PPM1G: variants seen among roughly 807,000 people sequenced by gnomAD.
The protein encoded by PPM1G is protein phosphatase, Mg2+/Mn2+ dependent 1G.
In PPM1G, 12 loss-of-function variants were observed where a neutral mutation model predicts 59.4. The ratio of observed to expected loss-of-function variants is 0.20; its 90% CI spans 0.13 to 0.33. The LOEUF (loss-of-function observed/expected upper bound fraction) is 0.33, where lower values mean the gene tolerates loss of function less well. Ranked by LOEUF, PPM1G falls within the 10% of genes least tolerant of loss-of-function variation. The pLI, the probability that PPM1G is intolerant of heterozygous loss-of-function variation, is 1.00. For synonymous variants in PPM1G, 245 were observed against 251.9 expected, an observed-to-expected ratio of 0.97 and a Z score of 0.26; for missense variants, 392 against 681.3, an observed-to-expected ratio of 0.58 and a Z score of 4.73.
At chr2:27,401,856 A>C (rs1684186654) in intron 1 of PPM1G, among the ~76,000 whole-genome samples, 1 of 152,150 alleles carries the variant, frequency 6.6e-6, no homozygotes, top group South Asian at 2.1e-4. Context: ...AAAAAAAAGA[A>C]AATATACTAA....
rs1473092009 is a variant in PPM1G, at chr2:27,392,612, G to T, written c.121-5454C>A. The stretch of plus-strand genomic sequence containing the variant: ...CCAGCCCACAGTACATTTTTTTTTT[G>T]GGGGGGGGGAGGGTACCAAATTTAT... On this transcript the variant is annotated intron_variant, in intron 1 of 9. Coordinates refer to ENST00000344034, the MANE Select transcript of PPM1G (RefSeq NM_177983.3). Among the ~76,000 whole-genome samples the T allele has an allele frequency of 2.0e-3, 97 of 47,550 alleles. 1 individual carries two copies. Among genetic ancestry groups the T allele is most frequent in the African/African-American group, 8.1e-3 (66 of 8,124 alleles). The allele number at this position is 47,550 out of a possible 152,430, so 31.2% of individuals were successfully genotyped here.
intron 1 of PPM1G, among the ~76,000 whole-genome samples, chr2:27,392,585 C>A (rs554339735): frequency 5.8e-4 from 80 of 137,344 alleles, no homozygotes; most frequent in Non-Finnish European, 1.1e-3. Context: ...TGAGCCACTA[C>A]GCCAGCCCAC....
chr2:27,394,917 G>A (rs961921340), intron 1 of PPM1G, among the ~76,000 whole-genome samples: 1 of 151,472 alleles, frequency 6.6e-6, no homozygotes, highest in African/African-American at 2.4e-5. Context: ...ATTAGAATAG[G>A]AACTATTAAA....
At chr2:27,406,812 T>G (rs1478180363) in intron 1 of PPM1G, among the ~76,000 whole-genome samples, 1 of 151,940 alleles carries the variant, frequency 6.6e-6, no homozygotes, top group Non-Finnish European at 1.5e-5. Context: ...AAATATTAAA[T>G]GAGAAACCTG....
chr2:27,381,839 G>A (rs753291194), intron 9 of PPM1G, 34 bp from the exon 10 acceptor site: 1 of 1,600,234 alleles, frequency 6.2e-7, no homozygotes, highest in South Asian at 1.1e-5. Flanking sequence ...CAGCCACAGG[G>A]TTTGAACACC....
At chr2:27,394,927 AAAT>A (rs1027547783) in intron 1 of PPM1G, among the ~76,000 whole-genome samples, 7 of 151,836 alleles carry the variant, frequency 4.6e-5, no homozygotes, top group Non-Finnish European at 8.8e-5. Flanking sequence ...GAACTATTAA[AAAT>A]AATAATAATA....
At chr2:27,395,180 G>A (rs1684015684) in intron 1 of PPM1G, among the ~76,000 whole-genome samples, 1 of 146,372 alleles carries the variant, frequency 6.8e-6, no homozygotes, top group South Asian at 2.1e-4. Context: ...GTTACAATGA[G>A]CCAAGACCGT....
intron 1 of PPM1G, among the ~76,000 whole-genome samples, chr2:27,403,286 A>G (rs916839195): frequency 7.9e-5 from 12 of 151,952 alleles, no homozygotes; most frequent in Non-Finnish European, 1.5e-4. Flanking sequence ...TCTACTAAAA[A>G]TACAAAAAAG....
Position 27,383,168 on chromosome 2 carries a change from A to G in PPM1G, c.1201+198T>C, listed in dbSNP as rs1362721555. On this transcript the variant is annotated intron_variant, in intron 7 of 9. Transcript: ENST00000344034. The surrounding 1 kb of genome is among the most constrained non-coding windows in gnomAD (Gnocchi z 5.0). Reference sequence around the variant, plus strand: ...GTCTTTTTCATCATTCAAATGTTACATAAGATGGGTATAATGATACCTATG... The same window carrying G: ...GTCTTTTTCATCATTCAAATGTTACGTAAGATGGGTATAATGATACCTATG... Among the ~76,000 whole-genome samples the G allele has an allele frequency of 1.3e-5, 2 of 152,130 alleles. No homozygotes were observed. The highest frequency in any genetic ancestry group is 2.4e-5 in the African/African-American group (1 of 41,450).
chr2:27,408,060 A>AG (rs1269148910), intron 1 of PPM1G, among the ~76,000 whole-genome samples: 2 of 152,054 alleles, frequency 1.3e-5, no homozygotes, highest in Non-Finnish European at 2.9e-5. Context: ...AAAAAAAAAA[A>AG]GGGAGCCAAA....
chr2:27,402,572 C>T (rs1432504875), intron 1 of PPM1G, among the ~76,000 whole-genome samples: 2 of 151,544 alleles, frequency 1.3e-5, no homozygotes, highest in Non-Finnish European at 2.9e-5. Context: ...TTTGGGAGGC[C>T]GATGTGGGTG....
At position 27,409,446 on chromosome 2, in the gene PPM1G, A is replaced by G. The variant is rs568033045; in HGVS notation, c.-24T>C. On this transcript the variant is annotated 5_prime_UTR_variant, in exon 1 of 10. Transcript: ENST00000344034. Reference sequence around the variant, plus strand: ...ATGGCGGCGGCTGGCCGGCGGCCTCAGGTGCAGGAAAGCTGGGCGCGACCC... The same window carrying G: ...ATGGCGGCGGCTGGCCGGCGGCCTCGGGTGCAGGAAAGCTGGGCGCGACCC... 6.0e-5 allele frequency: 90 copies of G among 1,490,204 alleles called. No individual in the cohort carries two copies. The East Asian group carries it at 2.4e-3, about 40-fold the overall frequency. The allele number at this position is 1,490,204 out of a possible 1,614,324, so 92.3% of individuals were successfully genotyped here.
In PPM1G at chr2:27,382,863, T is replaced by C. The variant is rs1683670500; in HGVS notation, c.1202-258A>G. On this transcript the variant is annotated intron_variant, in intron 7 of 9. Coordinates refer to ENST00000344034, the MANE Select transcript of PPM1G (RefSeq NM_177983.3). The surrounding 1 kb of genome is among the most constrained non-coding windows in gnomAD (Gnocchi z 4.2). ...TTTTTGAGACGGAGTTTCACTCTTG[T>C]AGCCCAGGCTGGAGTGTAATGGCAC... 6.6e-6 allele frequency among the ~76,000 whole-genome samples: 1 copy of C among 151,478 alleles called. No homozygotes were observed.
chr2:27,381,273 G>A lies in PPM1G; in HGVS notation c.*326C>T, dbSNP rs974575019. On this transcript the variant is annotated 3_prime_UTR_variant, in exon 10 of 10. Coordinates refer to ENST00000344034, the MANE Select transcript of PPM1G (RefSeq NM_177983.3). ...AGAGAGCGGGTGCAAGCGGCCGAGGGCCATGGAGCCGCCAATAAAAAAGAA... is the reference window on the plus strand; with the variant it reads ...AGAGAGCGGGTGCAAGCGGCCGAGGACCATGGAGCCGCCAATAAAAAAGAA... The A allele has an allele frequency of 2.4e-6, 1 of 416,816 alleles. No homozygotes were observed. Among genetic ancestry groups the A allele is most frequent in the Non-Finnish European group, 4.4e-6 (1 of 225,180 alleles). 25.8% of individuals were successfully genotyped at this position (416,816 alleles called of 1,614,324 possible).
At chr2:27,404,314 G>A (rs779326883) in intron 1 of PPM1G, among the ~76,000 whole-genome samples, 36 of 152,048 alleles carry the variant, frequency 2.4e-4, no homozygotes, top group Non-Finnish European at 4.3e-4. Flanking sequence ...TTGGGAGGCC[G>A]AGGCAGGTGG....
intron 1 of PPM1G, among the ~76,000 whole-genome samples, chr2:27,391,080 C>T (rs887761534): frequency 1.3e-5 from 2 of 152,128 alleles, no homozygotes; most frequent in Non-Finnish European, 2.9e-5. Context: ...TTTTCTAGTC[C>T]GCCACTGATG....
At position 27,382,065 on chromosome 2, in the gene PPM1G, T is replaced by G. The variant is rs1683646092; in HGVS notation, c.1434+61A>C. The stretch of plus-strand genomic sequence containing the variant: ...CCCAGATTGCCGACTTAGCTCAGAT[T>G]AAAAGAGTGAACCCTGGCTGTGCAG... On this transcript the variant is annotated intron_variant, in intron 9 of 9. Coordinates refer to ENST00000344034, the MANE Select transcript of PPM1G (RefSeq NM_177983.3). This position sits in a 1 kb window ranked among gnomAD's most constrained non-coding sequence, Gnocchi z 4.2. The G allele has an allele frequency of 6.6e-7, 1 of 1,519,890 alleles. No homozygotes were observed. Among genetic ancestry groups the G allele is most frequent in the African/African-American group, 1.4e-5 (1 of 72,834 alleles). The allele number at this position is 1,519,890 out of a possible 1,614,324, so 94.2% of individuals were successfully genotyped here. A position where few individuals can be genotyped will look rare whatever the true frequency, so the allele number is the denominator to read the frequency against.
intron 1 of PPM1G, among the ~76,000 whole-genome samples, chr2:27,406,310 G>A (rs992560858): frequency 2.0e-5 from 3 of 152,178 alleles, no homozygotes; most frequent in Non-Finnish European, 4.4e-5. Flanking sequence ...ATAAGATTCA[G>A]GGAAGAGGCT....
Position 27,384,487 on chromosome 2 carries a change from A to C in PPM1G, c.825+186T>G, listed in dbSNP as rs546309107. On this transcript the variant is annotated intron_variant, in intron 5 of 9. Transcript: ENST00000344034. The surrounding 1 kb of genome is among the most constrained non-coding windows in gnomAD (Gnocchi z 4.8). ...CTTGTTATAGTACCAACAAAGGAAG[A>C]GGTAAAAAGGCAAATGGTACCTGTG... 6.6e-6 allele frequency among the ~76,000 whole-genome samples: 1 copy of C among 152,330 alleles called. No individual in the cohort carries two copies. The highest frequency in any genetic ancestry group is 2.1e-4 in the South Asian group (1 of 4,830).
Sources: allele counts gnomAD v4.1 joint callset (sites outside exome capture counted in the v4.1 genomes callset), GRCh38; gene constraint gnomAD v4.1.1; non-coding constraint Gnocchi (gnomAD v3.1); transcripts MANE v1.5; gene names NCBI Gene and HGNC (gene_info 2026-07-23, HGNC 2026-07-21).